Variants in FBXO11 observed in about 807,000 individuals in gnomAD.
The protein encoded by FBXO11 is F-box protein 11, also known as F-box only protein 11.
In FBXO11, 13 loss-of-function variants were observed where a neutral mutation model predicts 117.0. The observed-to-expected ratio is 0.11, with a 90% CI of 0.07 to 0.18. FBXO11 has a LOEUF of 0.18. Ranked by LOEUF, FBXO11 falls within the 10% of genes least tolerant of loss-of-function variation. The pLI, the probability that FBXO11 is intolerant of heterozygous loss-of-function variation, is 1.00. For synonymous variants in FBXO11, 490 were observed against 380.5 expected (o/e 1.29, Z -3.35); for missense variants, 767 against 1,164.4 (o/e 0.66, Z 4.97).
chr2:47,902,999 TTCCTA>T (rs1678415298), intron 1 of FBXO11, among the ~76,000 whole-genome samples: 1 of 152,010 alleles, frequency 6.6e-6, no homozygotes, highest in Non-Finnish European at 1.5e-5. Flanking sequence ...ACCCAGCATA[TTCCTA>T]AACTAGCAAC....
intron 1 of FBXO11, among the ~76,000 whole-genome samples, chr2:47,896,330 CT>C (rs369438123): frequency 1.6e-3 from 223 of 142,842 alleles, no homozygotes; most frequent in Middle Eastern, 3.8e-3. Flanking sequence ...TGTTTCTTTT[CT>C]TTTTTTTTTT....
chr2:47,902,024 CTCCCGCG>C (rs998952208), intron 1 of FBXO11, among the ~76,000 whole-genome samples: 2 of 152,208 alleles, frequency 1.3e-5, no homozygotes, highest in African/African-American at 4.8e-5. Context: ...CAACCTCAGC[CTCCCGCG>C]TTCAAGCGAT....
chr2:47,861,305 T>G (rs920105294), intron 1 of FBXO11, among the ~76,000 whole-genome samples: 4 of 151,570 alleles, frequency 2.6e-5, no homozygotes, highest in African/African-American at 4.8e-5. Context: ...CTATCCCATA[T>G]GAATAGTCTG....
rs191257530 is a variant in FBXO11, at chr2:47,886,859, C to A, written c.232+18630G>T. On this transcript the variant is annotated intron_variant, in intron 1 of 22. Coordinates refer to ENST00000403359, the MANE Select transcript of FBXO11 (RefSeq NM_001190274.2). ...AAAAAGCCTGTGCAACACAATGAGA[C>A]CCCTGTCTCTACCAAAAAAAAAATT... Among the ~76,000 whole-genome samples the A allele has an allele frequency of 4.9e-4, 75 of 152,100 alleles. 1 individual carries two copies. Among genetic ancestry groups the A allele is most frequent in the African/African-American group, 1.5e-3 (64 of 41,468 alleles).
intron 1 of FBXO11, among the ~76,000 whole-genome samples, chr2:47,877,972 C>T (rs1055889489): frequency 2.6e-5 from 4 of 152,014 alleles, no homozygotes; most frequent in South Asian, 4.2e-4. Flanking sequence ...CGTGAGCCAC[C>T]GTGCCTGGCC....
chr2:47,843,262 A>C (rs1673150164), intron 1 of FBXO11, among the ~76,000 whole-genome samples: 1 of 152,160 alleles, frequency 6.6e-6, no homozygotes, highest in East Asian at 1.9e-4. Context: ...CATCAACACT[A>C]ATTTTTAGAG....
intron 1 of FBXO11, 142 bp downstream of exon 1, chr2:47,905,347 G>C (rs1484903078): frequency 1.1e-6 from 1 of 882,368 alleles, no homozygotes; most frequent in Non-Finnish European, 1.4e-6. Flanking sequence ...CTGCGGCACC[G>C]GGGGACCCGC....
intron 1 of FBXO11, among the ~76,000 whole-genome samples, chr2:47,886,493 G>A (rs1302741069): frequency 1.4e-5 from 2 of 141,908 alleles, no homozygotes; most frequent in South Asian, 2.2e-4. Context: ...GAGACAGAGC[G>A]AGACTCTCAA....
intron 1 of FBXO11, among the ~76,000 whole-genome samples, chr2:47,901,396 AT>A (rs935686218): frequency 3.9e-5 from 6 of 151,916 alleles, no homozygotes; most frequent in Non-Finnish European, 7.4e-5. Context: ...TAGAAAAAAA[AT>A]ACATCTATTT....
At chr2:47,845,813 C>T (rs1673363666) in intron 1 of FBXO11, among the ~76,000 whole-genome samples, 1 of 151,948 alleles carries the variant, frequency 6.6e-6, no homozygotes, top group Non-Finnish European at 1.5e-5. Flanking sequence ...CAATGGAGAA[C>T]CCTTTAATTT....
rs1386385025 is a variant in FBXO11, at chr2:47,809,723, CAA to C, written c.2339-18_2339-17del. ...ATTTCAATACCTGAAGTAAAATTTA[CAA>C]ACAAGTAGATACATCACTTTATACT... On this transcript the variant is annotated splice_polypyrimidine_tract_variant and intron_variant, in intron 19 of 22. Transcript: ENST00000403359. 1.9e-6 allele frequency: 3 copies of C among 1,544,648 alleles called. No individual in the cohort carries two copies. Among genetic ancestry groups the C allele is most frequent in the Non-Finnish European group, 2.7e-6 (3 of 1,118,458 alleles).
At chr2:47,905,384 C>A in intron 1 of FBXO11, 105 bp downstream of exon 1, 1 of 1,067,670 alleles carries the variant, frequency 9.4e-7, no homozygotes, top group South Asian at 4.3e-5. Context: ...TCTCCCACCC[C>A]CAGGGCGCGC....
intron 1 of FBXO11, among the ~76,000 whole-genome samples, chr2:47,900,732 G>T (rs1354993901): frequency 3.4e-5 from 3 of 89,096 alleles, no homozygotes; most frequent in Non-Finnish European, 4.5e-5. Context: ...ATACACACAC[G>T]TGTATATATA....
chr2:47,860,567 C>A (rs192409073), intron 1 of FBXO11, among the ~76,000 whole-genome samples: 16 of 151,898 alleles, frequency 1.1e-4, no homozygotes, highest in Non-Finnish European at 2.4e-4. Context: ...CATGCCACCA[C>A]GCCCAGCTAA....
chr2:47,858,046 C>A (rs759281730), intron 1 of FBXO11, among the ~76,000 whole-genome samples: 2 of 152,010 alleles, frequency 1.3e-5, no homozygotes, highest in Non-Finnish European at 2.9e-5. Context: ...TTAAAAAAAT[C>A]ATTGCCTTGG....
Position 47,839,728 on chromosome 2 carries a change from G to T in FBXO11, c.274C>A (p.Pro92Thr), listed in dbSNP as rs753263386. Residue 92 changes from proline (P) to threonine (T), a missense_variant, in exon 2 of 23, where the codon CCT (proline) becomes ACT (threonine). Pro to Thr is a conservative substitution (Grantham distance 38). Coordinates refer to ENST00000403359, the MANE Select transcript of FBXO11 (RefSeq NM_001190274.2). The stretch of plus-strand genomic sequence containing the variant: ...TGGTATGGACTATTTTGTGCACCAG[G>T]ACCTGATTCTTCTGCAACCATATCT... ...PADMVAEESG[P>T]GAQNSPYQLR... The T allele has an allele frequency of 6.2e-7, 1 of 1,613,740 alleles. No homozygotes were observed. Among genetic ancestry groups the T allele is most frequent in the African/African-American group, 1.3e-5 (1 of 74,862 alleles).
At chr2:47,897,080 T>C (rs1023642693) in intron 1 of FBXO11, among the ~76,000 whole-genome samples, 2 of 152,186 alleles carry the variant, frequency 1.3e-5, no homozygotes, top group Non-Finnish European at 2.9e-5. Flanking sequence ...ACTAGTAACA[T>C]ACATACCAAA....
intron 1 of FBXO11, among the ~76,000 whole-genome samples, chr2:47,887,784 C>G (rs1462416723): frequency 6.6e-6 from 1 of 152,120 alleles, no homozygotes; most frequent in Non-Finnish European, 1.5e-5. Context: ...TCACTTGAGC[C>G]TGGGAGGCAG....
intron 1 of FBXO11, among the ~76,000 whole-genome samples, chr2:47,887,056 T>A (rs1676911025): frequency 6.6e-6 from 1 of 151,950 alleles, no homozygotes; most frequent in South Asian, 2.1e-4. Context: ...GAGACTGAGG[T>A]GGGCAGATCA....
Sources: allele counts gnomAD v4.1 joint callset (sites outside exome capture counted in the v4.1 genomes callset), GRCh38; gene constraint gnomAD v4.1.1; transcripts MANE v1.5; gene names NCBI Gene and HGNC (gene_info 2026-07-23, HGNC 2026-07-21).